TSPAN13: variants seen among roughly 807,000 people sequenced by gnomAD.
TSPAN13 encodes tetraspanin-13.
TSPAN13 carries 18 observed loss-of-function variants against 26.9 expected under a neutral mutation model. The observed-to-expected ratio is 0.67, with a 90% CI of 0.46 to 0.99. TSPAN13 has a LOEUF of 0.99. Ranked by LOEUF, TSPAN13 falls within the 50% of genes least tolerant of loss-of-function variation. TSPAN13 has a pLI of 0.00. For missense variants in TSPAN13, 201 were observed against 249.6 expected (o/e 0.81, Z 1.31); for synonymous variants, 116 against 98.4 (o/e 1.18, Z -1.06).
chr7:16,766,831 TC>T (rs1784608622), intron 1 of TSPAN13, among the ~76,000 whole-genome samples: 1 of 152,232 alleles, frequency 6.6e-6, no homozygotes, highest in Non-Finnish European at 1.5e-5. Flanking sequence ...GTTACATTTT[TC>T]AAGGCTAGTT....
Position 16,776,352 on chromosome 7 carries a change from A to G in TSPAN13, c.205A>G (p.Lys69Glu), listed in dbSNP as rs1784745272. 1 of 1,613,670 alleles carries G rather than the reference A, an allele frequency of 6.2e-7. No individual in the cohort carries two copies. Among genetic ancestry groups the G allele is most frequent in the Non-Finnish European group, 8.5e-7 (1 of 1,179,824 alleles). The part of the protein sequence containing the change: ...IALVGLIGAV[K>E]HHQVLLFFYM... The stretch of plus-strand genomic sequence containing the variant: ...TTTAGTGGGTCTGATTGGAGCTGTA[A>G]AACATCATCAGGTGTTGCTATTTTT... Residue 69 changes from lysine (K) to glutamate (E), a missense_variant, in exon 2 of 6, where the codon AAA becomes GAA. Transcript: ENST00000262067.
chr7:16,768,937 C>T lies in TSPAN13; in HGVS notation c.64-7274C>T, dbSNP rs373643036. ...TGTCACCCAGGGTGGAGTGCAGTGG[C>T]GTGATCTTGGCTCACTGCAAACTCT... is the stretch of plus-strand genomic sequence containing the variant. On this transcript the variant is annotated intron_variant, in intron 1 of 5. Transcript: ENST00000262067. Among the ~76,000 whole-genome samples, 443 of 152,094 alleles carry T rather than the reference C, an allele frequency of 2.9e-3. 3 individuals carry two copies. The highest frequency in any genetic ancestry group is 0.01 in the Middle Eastern group (3 of 292).
intron 1 of TSPAN13, among the ~76,000 whole-genome samples, chr7:16,774,078 G>A (rs1784712618): frequency 6.6e-6 from 1 of 152,110 alleles, no homozygotes; most frequent in Admixed American, 6.5e-5. Flanking sequence ...CATGTGAGTG[G>A]GCCTTATCCC....
intron 1 of TSPAN13, among the ~76,000 whole-genome samples, chr7:16,754,921 A>G (rs1784465392): frequency 6.6e-6 from 1 of 152,176 alleles, no homozygotes; most frequent in Non-Finnish European, 1.5e-5. Context: ...TTCTGAGGGA[A>G]TGGGGCATTA....
In TSPAN13 at chr7:16,783,625, AT is replaced by A; in HGVS notation, c.*139del. 6.3e-6 allele frequency: 5 copies of A among 790,902 alleles called. No individual in the cohort carries two copies. The highest frequency in any genetic ancestry group is 2.4e-4 in the Middle Eastern group (1 of 4,114). The allele number at this position is 790,902 out of a possible 1,614,324, so 49.0% of individuals were successfully genotyped here. On this transcript the variant is annotated 3_prime_UTR_variant, in exon 6 of 6. Transcript: ENST00000262067. ...TACCTTATTGATAGTGGAATTATAT[AT>A]TTTTACTCTATGTTTCTCTACATGT...
intron 3 of TSPAN13, among the ~76,000 whole-genome samples, 197 bp downstream of exon 3, chr7:16,777,319 G>A (rs73073511): frequency 4.6e-5 from 7 of 152,066 alleles, no homozygotes; most frequent in Non-Finnish European, 8.8e-5. Flanking sequence ...TGCCATTTTC[G>A]GTATCTTTTA....
At chr7:16,757,853 G>A (rs1784497780) in intron 1 of TSPAN13, among the ~76,000 whole-genome samples, 1 of 152,050 alleles carries the variant, frequency 6.6e-6, no homozygotes, top group African/African-American at 2.4e-5. Flanking sequence ...GTATTTTTGA[G>A]ATGGAGTTTC....
chr7:16,758,470 A>G (rs1784507038), intron 1 of TSPAN13, among the ~76,000 whole-genome samples: 2 of 152,200 alleles, frequency 1.3e-5, no homozygotes. Flanking sequence ...AATAGAAATA[A>G]AATTAAGTTG....
intron 1 of TSPAN13, among the ~76,000 whole-genome samples, chr7:16,757,875 C>G (rs1169553446): frequency 4.6e-5 from 7 of 152,022 alleles, no homozygotes; most frequent in Admixed American, 6.6e-5. Context: ...CTCTCGTTGC[C>G]CAGGCTGGAG....
At chr7:16,757,577 G>C (rs1174403815) in intron 1 of TSPAN13, among the ~76,000 whole-genome samples, 1 of 152,092 alleles carries the variant, frequency 6.6e-6, no homozygotes, top group Admixed American at 6.5e-5. Flanking sequence ...TATTTACTGG[G>C]ACTTTTTAAG....
intron 1 of TSPAN13, among the ~76,000 whole-genome samples, chr7:16,770,699 G>T (rs1784664249): frequency 6.6e-6 from 1 of 151,790 alleles, no homozygotes; most frequent in Non-Finnish European, 1.5e-5. Flanking sequence ...TTTTCTTTGG[G>T]AATCCTGTAA....
intron 3 of TSPAN13, among the ~76,000 whole-genome samples, chr7:16,777,507 A>G (rs528510241): frequency 6.6e-6 from 1 of 152,328 alleles, no homozygotes; most frequent in South Asian, 2.1e-4. Flanking sequence ...ATGGAGCAAC[A>G]GAACTTTTGC....
intron 1 of TSPAN13, among the ~76,000 whole-genome samples, chr7:16,769,041 G>T (rs981567948): frequency 6.6e-6 from 1 of 152,016 alleles, no homozygotes; most frequent in Admixed American, 6.6e-5. Context: ...GGCCAGGCTG[G>T]TCTCGAACTC....
chr7:16,769,569 T>TAC (rs1784650608), intron 1 of TSPAN13, among the ~76,000 whole-genome samples: 1 of 152,176 alleles, frequency 6.6e-6, no homozygotes, highest in African/African-American at 2.4e-5. Context: ...TCCTAAAAAG[T>TAC]ATGTGAAAAA....
rs1784772811 is a variant in TSPAN13, at chr7:16,778,014, T to A, written c.426+103T>A. On this transcript the variant is annotated intron_variant, in intron 4 of 5. Coordinates refer to ENST00000262067, the MANE Select transcript of TSPAN13 (RefSeq NM_014399.4). ...CTGATGCTGAATTGTATTTTCAGGA[T>A]TATTTTATGTATATATTTACATTAT... The A allele has an allele frequency of 1.3e-5, 10 of 794,028 alleles. 1 individual carries two copies. In the South Asian group the frequency reaches 2.1e-4, roughly 16 times the overall value. 49.2% of individuals were successfully genotyped at this position (794,028 alleles called of 1,614,324 possible).
At chr7:16,779,212 A>T in intron 5 of TSPAN13, 96 bp downstream of exon 5, 1 of 851,156 alleles carries the variant, frequency 1.2e-6, no homozygotes, top group Non-Finnish European at 1.9e-6. Flanking sequence ...GAGCATTTTC[A>T]TTGAGAACTA....
At chr7:16,778,308 G>A in intron 4 of TSPAN13, among the ~76,000 whole-genome samples, 1 of 152,186 alleles carries the variant, frequency 6.6e-6, no homozygotes, top group Admixed American at 6.5e-5. Context: ...TTATCTCCTT[G>A]TAGGGGGTCT....
intron 1 of TSPAN13, among the ~76,000 whole-genome samples, chr7:16,773,661 A>C (rs1784708072): frequency 6.6e-6 from 1 of 152,220 alleles, no homozygotes; most frequent in South Asian, 2.1e-4. Context: ...TTTACTATTT[A>C]AGCAGGTGTA....
rs375455146 is a variant in TSPAN13 at position 16,777,028 on chromosome 7, C to A, written c.232-14C>A. On this transcript the variant is annotated splice_polypyrimidine_tract_variant and intron_variant, in intron 2 of 5. Coordinates refer to ENST00000262067, the MANE Select transcript of TSPAN13 (RefSeq NM_014399.4). ...TAAGAATATTTAGAAGTATCCTTAA[C>A]TTCTAACTCTCAGTATATGATTATT... The A allele has an allele frequency of 6.4e-7, 1 of 1,572,060 alleles. No individual in the cohort carries two copies. Among genetic ancestry groups the A allele is most frequent in the Non-Finnish European group, 8.7e-7 (1 of 1,143,446 alleles).
Sources: allele counts gnomAD v4.1 joint callset (sites outside exome capture counted in the v4.1 genomes callset), GRCh38; gene constraint gnomAD v4.1.1; transcripts MANE v1.5; gene names NCBI Gene and HGNC (gene_info 2026-07-23, HGNC 2026-07-21).